CPNE4: variants seen among roughly 807,000 people sequenced by gnomAD.
The protein encoded by CPNE4 is copine 4.
Under a neutral mutation model 67.9 loss-of-function variants are expected in CPNE4, and 25 were observed. The ratio of observed to expected loss-of-function variants is 0.37; its 90% CI spans 0.27 to 0.51. The LOEUF (loss-of-function observed/expected upper bound fraction) is 0.51, where lower values mean the gene tolerates loss of function less well. CPNE4 is among the 20% of genes least tolerant of loss of function. CPNE4 has a pLI of 0.93. For missense variants in CPNE4, 464 were observed against 690.8 expected (o/e 0.67, Z 3.68); for synonymous variants, 242 against 244.9 (o/e 0.99, Z 0.11).
chr3:131,739,449 C>T (rs956154489), intron 2 of CPNE4, among the ~76,000 whole-genome samples: 2 of 152,190 alleles, frequency 1.3e-5, no homozygotes, highest in Non-Finnish European at 2.9e-5. Flanking sequence ...TGTGGCTGTG[C>T]TTCCTGTTTC....
In CPNE4 at chr3:131,555,539, G is replaced by T. The variant is rs1489594106; in HGVS notation, c.1074C>A (p.Phe358Leu). The change falls in exon 12 of 16, where the codon TTC (phenylalanine) becomes TTA (leucine). Residue 358 changes from phenylalanine to leucine, a missense_variant. By Grantham distance (22) the Phe-to-Leu change is conservative (BLOSUM62 0). Coordinates refer to ENST00000429747, the MANE Select transcript of CPNE4 (RefSeq NM_130808.3). ...ICQDYDSDKM[F>L]PAFGFGARIP... ...TCCTGGCGCCAAACCCAAAGGCAGG[G>T]AACATTTTGTCACTGAAACCAAAAT... 1.2e-6 allele frequency: 2 copies of T among 1,612,550 alleles called. No individual in the cohort carries two copies. Among genetic ancestry groups the T allele is most frequent in the Admixed American group, 3.3e-5 (2 of 59,852 alleles).
intron 9 of CPNE4, among the ~76,000 whole-genome samples, chr3:131,579,008 T>C (rs1375053188): frequency 2.0e-5 from 3 of 151,640 alleles, no homozygotes; most frequent in Admixed American, 1.3e-4. Flanking sequence ...CGGATTTTCA[T>C]TGTAGAACAA....
In CPNE4 at chr3:131,997,171, C is replaced by T. The variant is rs577764043; in HGVS notation, c.-2+37396G>A. Among the ~76,000 whole-genome samples, 11 of 152,212 alleles carry T rather than the reference C, an allele frequency of 7.2e-5. No homozygotes were observed. In the South Asian group the frequency reaches 2.3e-3, roughly 32 times the overall value. On this transcript the variant is annotated intron_variant, in intron 1 of 15. Transcript: ENST00000429747. ...CTCTGCAACTTTCTAAATTACTTCC[C>T]AGGATATTAAAAGTCTATTTGTAAC...
intron 11 of CPNE4, among the ~76,000 whole-genome samples, 189 bp from the exon 12 acceptor site, chr3:131,555,740 C>T (rs905135407): frequency 6.6e-6 from 1 of 151,964 alleles, no homozygotes; most frequent in Non-Finnish European, 1.5e-5. Context: ...CAAGAAACAG[C>T]CCCTTAAGTT....
chr3:131,609,748 G>A (rs561914860), intron 7 of CPNE4, among the ~76,000 whole-genome samples: 1 of 152,254 alleles, frequency 6.6e-6, no homozygotes, highest in African/African-American at 2.4e-5. Flanking sequence ...GAATTTTCAA[G>A]AATATTTCAT....
chr3:131,925,627 GGAAGAGAAA>G (rs888047398), intron 1 of CPNE4: 6 of 152,152 alleles, frequency 3.9e-5, no homozygotes, highest in Admixed American at 3.3e-4. Flanking sequence ...GAAAAAAATA[GGAAGAGAAA>G]GAAGAGAAAA....
At chr3:131,937,795 A>T (rs7625455) in intron 1 of CPNE4, among the ~76,000 whole-genome samples, 64,326 of 151,900 alleles carry the variant, frequency 0.42, 14,030 homozygotes, top group East Asian at 0.57. Context: ...TTAAAATTGA[A>T]AAATCAAATA....
At chr3:131,746,610 T>C (rs1310899678) in intron 2 of CPNE4, among the ~76,000 whole-genome samples, 4 of 152,220 alleles carry the variant, frequency 2.6e-5, no homozygotes, top group African/African-American at 9.6e-5. Flanking sequence ...AATTCATTCT[T>C]TTTATGGCTT....
intron 7 of CPNE4, among the ~76,000 whole-genome samples, chr3:131,632,721 C>T (rs181160487): frequency 1.1e-3 from 172 of 152,210 alleles, no homozygotes; most frequent in African/African-American, 4.0e-3. Context: ...TAAGCCATGC[C>T]CCAAAGCTGA....
chr3:132,003,075 A>G (rs1294170758), intron 1 of CPNE4, among the ~76,000 whole-genome samples: 1 of 152,166 alleles, frequency 6.6e-6, no homozygotes, highest in Non-Finnish European at 1.5e-5. Context: ...ACAGAGTTAA[A>G]TGAATTAACT....
chr3:131,582,073 A>G (rs1238223214), intron 8 of CPNE4, among the ~76,000 whole-genome samples: 1 of 152,256 alleles, frequency 6.6e-6, no homozygotes, highest in East Asian at 1.9e-4. Flanking sequence ...AAAGCAGTAC[A>G]GGGAAGAAGA....
intron 4 of CPNE4, among the ~76,000 whole-genome samples, chr3:131,698,697 G>A (rs1348278209): frequency 6.6e-6 from 1 of 151,294 alleles, no homozygotes; most frequent in East Asian, 1.9e-4. Context: ...GGATCACAAG[G>A]TAAGGAGTTG....
intron 10 of CPNE4, among the ~76,000 whole-genome samples, chr3:131,568,907 A>G (rs1006559740): frequency 6.6e-6 from 1 of 152,020 alleles, no homozygotes; most frequent in Non-Finnish European, 1.5e-5. Context: ...CCTGCAGTCT[A>G]CCTTTGGGAC....
At chr3:131,610,494 C>T (rs1310553362) in intron 7 of CPNE4, among the ~76,000 whole-genome samples, 1 of 152,130 alleles carries the variant, frequency 6.6e-6, no homozygotes, top group Non-Finnish European at 1.5e-5. Flanking sequence ...CTTGAGTGTG[C>T]AGTACTGGAA....
rs573594040 is a variant in CPNE4, at chr3:131,615,557, G to T, written c.682-27975C>A. 2.8e-4 allele frequency among the ~76,000 whole-genome samples: 43 copies of T among 152,236 alleles called. No homozygotes were observed. The South Asian group carries it at 7.1e-3, about 25-fold the overall frequency. ...AATGAATAATAGAGTGGTATAGAAT[G>T]AATTGTAAAATAATAACATGGTACA... On this transcript the variant is annotated intron_variant, in intron 7 of 15. Transcript: ENST00000429747.
At chr3:131,856,719 TA>T (rs2086459501) in intron 2 of CPNE4, among the ~76,000 whole-genome samples, 1 of 151,962 alleles carries the variant, frequency 6.6e-6, no homozygotes, top group African/African-American at 2.4e-5. Context: ...CAATAAAAAT[TA>T]TTAATATTTA....
chr3:131,758,009 G>A (rs2082794193), intron 2 of CPNE4, among the ~76,000 whole-genome samples: 1 of 152,234 alleles, frequency 6.6e-6, no homozygotes, highest in African/African-American at 2.4e-5. Flanking sequence ...GGATTCCCAG[G>A]CAAAAGTTTG....
At chr3:131,934,236 T>G (rs1316713135) in intron 1 of CPNE4, among the ~76,000 whole-genome samples, 1 of 152,216 alleles carries the variant, frequency 6.6e-6, no homozygotes, top group East Asian at 1.9e-4. Flanking sequence ...CAAGATCAGT[T>G]TAGGTGGAGT....
upstream of CPNE4, among the ~76,000 whole-genome samples, chr3:132,035,907 C>CACCCTATTAAGGGGCT (rs2074331113): frequency 6.6e-6 from 1 of 152,130 alleles, no homozygotes; most frequent in Non-Finnish European, 1.5e-5. Context: ...TCTTCCTTCT[C>CACCCTATTAAGGGGCT]ACCCTATTAA....
Sources: allele counts gnomAD v4.1 joint callset (sites outside exome capture counted in the v4.1 genomes callset), GRCh38; gene constraint gnomAD v4.1.1; transcripts MANE v1.5; gene names NCBI Gene and HGNC (gene_info 2026-07-23, HGNC 2026-07-21).